DENND1A: variants seen among roughly 807,000 people sequenced by gnomAD.
DENND1A encodes the protein DENN domain-containing protein 1A.
Under a neutral mutation model 113.7 loss-of-function variants are expected in DENND1A, and 51 were observed. The ratio of observed to expected loss-of-function variants is 0.45; its 90% CI spans 0.36 to 0.57. The LOEUF is 0.57. Among genes scored for constraint, DENND1A ranks in the 20% least tolerant of loss-of-function variants. The pLI, the probability that DENND1A is intolerant of heterozygous loss-of-function variation, is 0.00. For synonymous variants in DENND1A, 565 were observed against 570.8 expected (o/e 0.99, Z 0.14); for missense variants, 1,258 against 1,395.9 (o/e 0.90, Z 1.57).
intron 3 of DENND1A, among the ~76,000 whole-genome samples, chr9:123,774,799 T>C (rs770046860): frequency 6.6e-6 from 1 of 152,204 alleles, no homozygotes; most frequent in African/African-American, 2.4e-5. Flanking sequence ...AGTATTAATG[T>C]TGTAATTCAA....
intron 1 of DENND1A, among the ~76,000 whole-genome samples, chr9:123,879,437 G>A (rs971717673): frequency 6.6e-6 from 1 of 152,154 alleles, no homozygotes; most frequent in Non-Finnish European, 1.5e-5. Flanking sequence ...GGAGGCTAAG[G>A]TGGGAGGATC....
intron 9 of DENND1A, among the ~76,000 whole-genome samples, chr9:123,634,813 T>A (rs2061629626): frequency 2.6e-5 from 4 of 152,222 alleles, no homozygotes; most frequent in Admixed American, 1.3e-4. Context: ...AGCAGCTGAA[T>A]AGCCTAAGAC....
At chr9:123,910,581 A>AT (rs1486846351) in intron 1 of DENND1A, among the ~76,000 whole-genome samples, 5 of 152,258 alleles carry the variant, frequency 3.3e-5, no homozygotes, top group African/African-American at 1.2e-4. Context: ...TAAACAGAAC[A>AT]CATCAAAAAG....
chr9:123,580,075 G>C (rs1484984993), intron 12 of DENND1A, among the ~76,000 whole-genome samples: 3 of 152,060 alleles, frequency 2.0e-5, no homozygotes, highest in Non-Finnish European at 4.4e-5. Context: ...AACAAATGCA[G>C]GTACCATTTC....
At chr9:123,441,846 G>C (rs1488454562) in intron 18 of DENND1A, among the ~76,000 whole-genome samples, 1 of 152,178 alleles carries the variant, frequency 6.6e-6, no homozygotes, top group Non-Finnish European at 1.5e-5. Flanking sequence ...TATCCCCTTA[G>C]TACTCATTAA....
intron 1 of DENND1A, 48 bp downstream of exon 1, chr9:123,929,841 T>TCGCCGCCCCGCGCCCGGCCCGGCTC (rs1857728669): frequency 4.4e-6 from 1 of 229,778 alleles, no homozygotes; most frequent in Non-Finnish European, 8.0e-6. Flanking sequence ...TGGCCCGGCC[T>TCGCCGCCCCGCGCCCGGCCCGGCTC]CGCCGCCCCG....
intron 2 of DENND1A, among the ~76,000 whole-genome samples, chr9:123,797,139 A>AT (rs1190406557): frequency 6.6e-6 from 1 of 152,216 alleles, no homozygotes; most frequent in African/African-American, 2.4e-5. Context: ...TATTGAACAT[A>AT]TTTAAAGCTT....
intron 1 of DENND1A, among the ~76,000 whole-genome samples, chr9:123,893,437 T>TGCAATTTAGCCTCA (rs1850231656): frequency 6.6e-6 from 1 of 152,232 alleles, no homozygotes; most frequent in Admixed American, 6.5e-5. Flanking sequence ...CAAGACTATT[T>TGCAATTTAGCCTCA]GCAATTTAGC....
intron 19 of DENND1A, chr9:123,413,145 T>C (rs12115661): frequency 0.14 from 22,308 of 154,158 alleles, 1,657 homozygotes; most frequent in Middle Eastern, 0.2. Context: ...GATCGTGCCA[T>C]TGCAATCCAG....
chr9:123,752,872 C>G (rs1341186051), intron 5 of DENND1A, among the ~76,000 whole-genome samples: 2 of 152,142 alleles, frequency 1.3e-5, no homozygotes, highest in African/African-American at 4.8e-5. Flanking sequence ...CTAACTAATC[C>G]GTAACTACTG....
chr9:123,880,986 T>C (rs966325369), intron 1 of DENND1A, among the ~76,000 whole-genome samples: 3 of 152,164 alleles, frequency 2.0e-5, no homozygotes, highest in African/African-American at 7.2e-5. Context: ...GAAAAATAAG[T>C]GTTTTGTGAA....
chr9:123,848,529 G>A (rs984508206), intron 2 of DENND1A, among the ~76,000 whole-genome samples: 2 of 151,984 alleles, frequency 1.3e-5, no homozygotes, highest in Non-Finnish European at 2.9e-5. Flanking sequence ...TCTTCCTTGG[G>A]CCTCCTTATT....
At position 123,424,303 on chromosome 9, in the gene DENND1A, A is replaced by C. The variant is rs764139258; in HGVS notation, c.1489-12474T>G. Among the ~76,000 whole-genome samples, 4 of 152,166 alleles carry C rather than the reference A, an allele frequency of 2.6e-5. No individual in the cohort carries two copies. In the East Asian group the frequency reaches 5.8e-4, roughly 22 times the overall value. On this transcript the variant is annotated intron_variant, in intron 19 of 23. Coordinates refer to ENST00000394215, the MANE Select transcript of DENND1A (RefSeq NM_001352964.2). ...AGCCTCACTGGGGCATGCTGGCTGG[A>C]TGAAGAGGAACACAGCCTGTGTCCA... is the stretch of plus-strand genomic sequence containing the variant.
At chr9:123,918,095 C>A (rs1411723848) in intron 1 of DENND1A, among the ~76,000 whole-genome samples, 2 of 147,906 alleles carry the variant, frequency 1.4e-5, no homozygotes, top group Non-Finnish European at 3.0e-5. Flanking sequence ...GCCTGGTCAA[C>A]AGGATGAGAC....
chr9:123,541,309 TAGG>T (rs1250266164), intron 13 of DENND1A, among the ~76,000 whole-genome samples: 1 of 152,188 alleles, frequency 6.6e-6, no homozygotes, highest in African/African-American at 2.4e-5. Flanking sequence ...GGGCAAGAAG[TAGG>T]AGTTCAGTGA....
rs1205371671 is a variant in DENND1A at position 123,551,970 on chromosome 9, T to G, written c.993+5600A>C. 2.7e-5 allele frequency among the ~76,000 whole-genome samples: 4 copies of G among 148,218 alleles called. No individual in the cohort carries two copies. The East Asian group carries it at 8.0e-4, about 30-fold the overall frequency. On this transcript the variant is annotated intron_variant, in intron 13 of 23. Transcript: ENST00000394215. ...CCAGCCAGCTGCATTCTGAATTTTTTCATTAGGAAAGAGAGAGAGAGCGAG... is the reference window on the plus strand; with the variant it reads ...CCAGCCAGCTGCATTCTGAATTTTTGCATTAGGAAAGAGAGAGAGAGCGAG...
chr9:123,381,411 C>T lies in DENND1A; in HGVS notation c.*21G>A, dbSNP rs1454715537. The T allele has an allele frequency of 1.2e-6, 2 of 1,609,346 alleles. No homozygotes were observed. Among genetic ancestry groups the T allele is most frequent in the African/African-American group, 2.7e-5 (2 of 74,968 alleles). On this transcript the variant is annotated 3_prime_UTR_variant, in exon 24 of 24. Transcript: ENST00000394215. This position sits in a 1 kb window ranked among gnomAD's most constrained non-coding sequence, Gnocchi z 4.7. ...GACGGACCCTCGGGCCTCGGTGCAT[C>T]CCCCACCCTCAGGGCCCGGCTCACT...
At chr9:123,709,828 C>G (rs2066466325) in intron 5 of DENND1A, among the ~76,000 whole-genome samples, 1 of 152,126 alleles carries the variant, frequency 6.6e-6, no homozygotes, top group South Asian at 2.1e-4. Flanking sequence ...AAGATTTCTT[C>G]AAGACAAAGG....
intron 2 of DENND1A, among the ~76,000 whole-genome samples, chr9:123,861,461 T>G (rs973208908): frequency 6.6e-6 from 1 of 152,208 alleles, no homozygotes; most frequent in African/African-American, 2.4e-5. Flanking sequence ...CCTTTTTCTG[T>G]AAAGCTTTAT....
Sources: allele counts gnomAD v4.1 joint callset (sites outside exome capture counted in the v4.1 genomes callset), GRCh38; gene constraint gnomAD v4.1.1; non-coding constraint Gnocchi (gnomAD v3.1); transcripts MANE v1.5; gene names NCBI Gene and HGNC (gene_info 2026-07-23, HGNC 2026-07-21).